The following TTC39B variants were observed in gnomAD, a reference collection of about 807,000 sequenced individuals.
TTC39B encodes tetratricopeptide repeat protein 39B.
Under a neutral mutation model 96.6 loss-of-function variants are expected in TTC39B, and 92 were observed. That is an observed-to-expected ratio of 0.95 (90% CI 0.80 to 1.13). The LOEUF (loss-of-function observed/expected upper bound fraction) is 1.13. Ranked by LOEUF, TTC39B falls within the 50% of genes most tolerant of loss-of-function variation. The pLI, the probability that TTC39B is intolerant of heterozygous loss-of-function variation, is 0.00. For missense variants in TTC39B, 955 were observed against 809.3 expected (o/e 1.18, Z -2.18); for synonymous variants, 367 against 299.4 (o/e 1.23, Z -2.33).
At chr9:15,267,291 A>G (rs1047405114) in intron 2 of TTC39B, among the ~76,000 whole-genome samples, 2 of 152,246 alleles carry the variant, frequency 1.3e-5, no homozygotes, top group African/African-American at 4.8e-5. Context: ...ATAGAAGCTG[A>G]AGTTAACTAA....
rs762069142 is a variant in TTC39B, at chr9:15,287,945, C to CAA, written c.240+19137_240+19138dup. 4.7e-3 allele frequency among the ~76,000 whole-genome samples: 324 copies of CAA among 68,898 alleles called. 10 individuals carry two copies. The highest frequency in any genetic ancestry group is 0.019 in the Middle Eastern group (2 of 106). The allele number at this position is 68,898 out of a possible 152,430, so 45.2% of individuals were successfully genotyped here. A position where few individuals can be genotyped will look rare whatever the true frequency, so the allele number is the denominator to read the frequency against. The stretch of plus-strand genomic sequence containing the variant: ...TGGGCGACAGGGCGAGACTCCATCT[C>CAA]AAAAAAAAAAAAAAAAAAAAAAAAC... On this transcript the variant is annotated intron_variant, in intron 1 of 19. Coordinates refer to ENST00000512701, the Ensembl canonical transcript of TTC39B.
intron 3 of TTC39B, 30 bp downstream of exon 3, chr9:15,225,886 TC>T: frequency 1.9e-6 from 3 of 1,596,858 alleles, no homozygotes; most frequent in South Asian, 2.2e-5. Flanking sequence ...CCTCCCCTCT[TC>T]CCCCAGGAAT....
intron 2 of TTC39B, among the ~76,000 whole-genome samples, chr9:15,246,913 T>G (rs929686245): frequency 6.6e-6 from 1 of 152,278 alleles, no homozygotes; most frequent in African/African-American, 2.4e-5. Context: ...GTTATTGTTT[T>G]AAGTCTACTA....
Position 15,190,467 on chromosome 9 carries a change from T to C in TTC39B, c.1105+87A>G. ...TTCAACTGATCCTCCCACCTCAGCCTCCCAAGTAGTTGGGATTACAGGTGT... is the reference window on the plus strand; with the variant it reads ...TTCAACTGATCCTCCCACCTCAGCCCCCCAAGTAGTTGGGATTACAGGTGT... On this transcript the variant is annotated intron_variant, in intron 11 of 19. Coordinates refer to ENST00000512701, the Ensembl canonical transcript of TTC39B. 4.1e-6 allele frequency: 5 copies of C among 1,210,486 alleles called. No individual in the cohort carries two copies. In the South Asian group the frequency reaches 5.2e-5, roughly 13 times the overall value. The allele number at this position is 1,210,486 out of a possible 1,614,324, so 75.0% of individuals were successfully genotyped here.
intron 1 of TTC39B, among the ~76,000 whole-genome samples, chr9:15,284,647 G>A (rs774013534): frequency 2.6e-5 from 4 of 152,112 alleles, no homozygotes; most frequent in Non-Finnish European, 5.9e-5. Context: ...AGCTGGATTT[G>A]CATTTATTTA....
intron 2 of TTC39B, among the ~76,000 whole-genome samples, chr9:15,265,245 G>A (rs1419426936): frequency 1.3e-5 from 2 of 152,142 alleles, no homozygotes; most frequent in Non-Finnish European, 2.9e-5. Flanking sequence ...AGGTCCCAAA[G>A]GTAAAGCCAC....
At chr9:15,218,635 A>AAAAAAAATATATATAT (rs374054306) in intron 3 of TTC39B, among the ~76,000 whole-genome samples, 54 of 149,528 alleles carry the variant, frequency 3.6e-4, no homozygotes, top group South Asian at 2.1e-3. Context: ...GTCTATTTTA[A>AAAAAAAATATATATAT]ATATATATAT....
At chr9:15,250,520 G>C (rs1157876159) in intron 2 of TTC39B, among the ~76,000 whole-genome samples, 3 of 151,884 alleles carry the variant, frequency 2.0e-5, no homozygotes, top group African/African-American at 7.3e-5. Context: ...TACTAAATAA[G>C]AGAAAATCAA....
intron 8 of TTC39B, among the ~76,000 whole-genome samples, chr9:15,195,862 G>C (rs1819137244): frequency 6.6e-6 from 1 of 152,136 alleles, no homozygotes; most frequent in Non-Finnish European, 1.5e-5. Context: ...ATCTAGAGAG[G>C]AGAAGTCAAC....
intron 2 of TTC39B, chr9:15,232,171 A>T (rs1234156851): frequency 6.5e-6 from 1 of 152,702 alleles, no homozygotes; most frequent in Non-Finnish European, 1.5e-5. Flanking sequence ...AATAAAAATC[A>T]AGTATATACC....
chr9:15,217,522 G>C (rs1471445667), intron 3 of TTC39B, among the ~76,000 whole-genome samples: 1 of 152,020 alleles, frequency 6.6e-6, no homozygotes, highest in Non-Finnish European at 1.5e-5. Context: ...AGCACACTAG[G>C]GCTACCATGG....
rs1221149189 is a variant in TTC39B at position 15,284,136 on chromosome 9, G to A, written c.241-16188C>T. ...AAAAAGGACAAAAGATAAAGGGTGT[G>A]ACATGCACTCGTACACTGAAGAAGA... On this transcript the variant is annotated intron_variant, in intron 1 of 19. Transcript: ENST00000512701. Among the ~76,000 whole-genome samples the A allele has an allele frequency of 2.0e-5, 3 of 152,326 alleles. No individual in the cohort carries two copies. In the East Asian group the frequency reaches 5.8e-4, roughly 29 times the overall value.
intron 1 of TTC39B, among the ~76,000 whole-genome samples, chr9:15,277,420 G>A (rs907574907): frequency 1.2e-4 from 18 of 152,216 alleles, no homozygotes; most frequent in South Asian, 1.0e-3. Flanking sequence ...AAGAAACTCC[G>A]TCTAAAAACA....
rs752315342 is a variant in TTC39B at position 15,306,369 on chromosome 9, T to A, written c.240+715A>T. ...CACGACTGAAGGAGTGGCTAATTAC[T>A]CAAACACAGTTGAAACCAAAGGAGG... is the stretch of plus-strand genomic sequence containing the variant. On this transcript the variant is annotated intron_variant, in intron 1 of 19. Coordinates refer to ENST00000512701, the Ensembl canonical transcript of TTC39B. The surrounding 1 kb of genome is among the most constrained non-coding windows in gnomAD (Gnocchi z 5.1). 1.3e-5 allele frequency among the ~76,000 whole-genome samples: 2 copies of A among 152,174 alleles called. No homozygotes were observed. Among genetic ancestry groups the A allele is most frequent in the Non-Finnish European group, 2.9e-5 (2 of 68,036 alleles).
intron 2 of TTC39B, among the ~76,000 whole-genome samples, chr9:15,246,161 G>A (rs1294287930): frequency 6.6e-6 from 1 of 152,200 alleles, no homozygotes; most frequent in Admixed American, 6.5e-5. Flanking sequence ...TCTGAGGCAG[G>A]AGAATTGCTT....
chr9:15,226,500 C>T (rs1821131153), intron 2 of TTC39B, among the ~76,000 whole-genome samples: 1 of 152,080 alleles, frequency 6.6e-6, no homozygotes, highest in Non-Finnish European at 1.5e-5. Context: ...TAATTTGTTA[C>T]CTGTCCCTCA....
chr9:15,188,093 C>G (rs762513609), exon 14 of TTC39B: 2 of 1,608,698 alleles, frequency 1.2e-6, no homozygotes, highest in Admixed American at 3.4e-5. Context: ...TGTTTCCATT[C>G]TTCTTGAACT....
Position 15,182,409 on chromosome 9 carries a change from T to A in TTC39B, c.1621A>T (p.Met541Leu). 1 of 1,606,148 alleles carries A rather than the reference T, an allele frequency of 6.2e-7. No individual in the cohort carries two copies. Among genetic ancestry groups the A allele is most frequent in the South Asian group, 1.1e-5 (1 of 89,818 alleles). Residue 541 changes from methionine (M) to leucine (L), a missense_variant, in exon 17 of 20, where the codon ATG (methionine) becomes TTG (leucine). By Grantham distance (15) the Met-to-Leu change is conservative. Coordinates refer to ENST00000512701, the Ensembl canonical transcript of TTC39B. ...ATTGAAAAACCATTCCAGACATACATCATTTCCTAATGAGGAAAAATGAAA... is the reference window on the plus strand; with the variant it reads ...ATTGAAAAACCATTCCAGACATACAACATTTCCTAATGAGGAAAAATGAAA...
chr9:15,198,727 C>A (rs990018763), intron 8 of TTC39B, among the ~76,000 whole-genome samples: 5 of 151,626 alleles, frequency 3.3e-5, no homozygotes, highest in Non-Finnish European at 7.4e-5. Context: ...AGAGAAAAAG[C>A]AAAATGGTAG....
Sources: allele counts gnomAD v4.1 joint callset (sites outside exome capture counted in the v4.1 genomes callset), GRCh38; gene constraint gnomAD v4.1.1; non-coding constraint Gnocchi (gnomAD v3.1); transcripts MANE v1.5; gene names NCBI Gene and HGNC (gene_info 2026-07-23, HGNC 2026-07-21).